Variants in PTGER3 observed in about 807,000 individuals in gnomAD.
PTGER3 encodes prostaglandin E receptor 3, also known as prostaglandin E2 receptor EP3 subtype.
Under a neutral mutation model 34.7 loss-of-function variants are expected in PTGER3, and 22 were observed. The observed-to-expected ratio is 0.63, with a 90% CI of 0.45 to 0.91. The LOEUF (loss-of-function observed/expected upper bound fraction) is 0.91. Among genes scored for constraint, PTGER3 ranks in the 40% least tolerant of loss-of-function variants. PTGER3 has a pLI of 0.00. For missense variants in PTGER3, 468 were observed against 519.4 expected (o/e 0.90, Z 0.96); for synonymous variants, 241 against 230.1 (o/e 1.05, Z -0.43).
chr1:70,952,772 G>T (rs1650888321), exon 4 of PTGER3: 10 of 1,325,838 alleles, frequency 7.5e-6, no homozygotes, highest in Non-Finnish European at 8.7e-6. Flanking sequence ...GACCTGGCTT[G>T]CTGGTAATCT....
At chr1:70,905,040 T>G in intron 4 of PTGER3, among the ~76,000 whole-genome samples, 1 of 152,214 alleles carries the variant, frequency 6.6e-6, no homozygotes, top group African/African-American at 2.4e-5. Flanking sequence ...CTGCTCCAGT[T>G]GTGGCTTAAA....
intron 4 of PTGER3, among the ~76,000 whole-genome samples, chr1:70,909,917 C>T (rs920061871): frequency 1.3e-5 from 2 of 152,204 alleles, no homozygotes; most frequent in African/African-American, 2.4e-5. Context: ...TACTTAATCA[C>T]TTACCCACTA....
chr1:70,875,786 G>A (rs1254501462), intron 4 of PTGER3, among the ~76,000 whole-genome samples: 1 of 152,092 alleles, frequency 6.6e-6, no homozygotes, highest in Non-Finnish European at 1.5e-5. Flanking sequence ...CCATATTGCT[G>A]TAAAGGACAT....
chr1:71,002,443 T>A (rs1656579190), intron 2 of PTGER3, among the ~76,000 whole-genome samples: 1 of 152,224 alleles, frequency 6.6e-6, no homozygotes, highest in Non-Finnish European at 1.5e-5. Flanking sequence ...ACATTTTCTC[T>A]TTCATTATGA....
intron 4 of PTGER3, among the ~76,000 whole-genome samples, chr1:70,905,755 T>G (rs916574272): frequency 3.9e-5 from 6 of 152,134 alleles, no homozygotes; most frequent in Non-Finnish European, 7.3e-5. Context: ...AGATGAGACA[T>G]TGGACTGTGG....
At chr1:71,044,165 G>A (rs1199296772) in intron 1 of PTGER3, among the ~76,000 whole-genome samples, 3 of 150,862 alleles carry the variant, frequency 2.0e-5, no homozygotes, top group Non-Finnish European at 4.4e-5. Flanking sequence ...GGCCGGGCAC[G>A]GTGGCTCATG....
intron 1 of PTGER3, among the ~76,000 whole-genome samples, chr1:71,042,121 G>C (rs187338916): frequency 5.1e-4 from 77 of 152,114 alleles, no homozygotes; most frequent in African/African-American, 1.8e-3. Flanking sequence ...AAAGATGATG[G>C]CTTAAGAAGT....
At chr1:70,903,905 G>T (rs1429211237) in intron 4 of PTGER3, among the ~76,000 whole-genome samples, 1 of 152,128 alleles carries the variant, frequency 6.6e-6, no homozygotes, top group Non-Finnish European at 1.5e-5. Context: ...TCTTCCCTCG[G>T]TTGGTTTAAA....
chr1:70,943,295 T>C (rs1266164330), intron 4 of PTGER3, among the ~76,000 whole-genome samples: 2 of 152,134 alleles, frequency 1.3e-5, no homozygotes, highest in Non-Finnish European at 2.9e-5. Context: ...ATCAAGTAGT[T>C]TGAGTTTTTA....
chr1:71,041,227 G>A (rs1187321798), intron 1 of PTGER3, among the ~76,000 whole-genome samples: 1 of 152,174 alleles, frequency 6.6e-6, no homozygotes, highest in Non-Finnish European at 1.5e-5. Flanking sequence ...GCTTAGCCTT[G>A]CCTATCTTAA....
chr1:70,884,809 T>G (rs1034239243), intron 4 of PTGER3, among the ~76,000 whole-genome samples: 5 of 152,196 alleles, frequency 3.3e-5, no homozygotes, highest in African/African-American at 1.2e-4. Flanking sequence ...TTACAGAGAT[T>G]GGAAACCCTA....
At chr1:70,867,579 G>A (rs913526772) in intron 4 of PTGER3, among the ~76,000 whole-genome samples, 2 of 152,136 alleles carry the variant, frequency 1.3e-5, no homozygotes, top group Non-Finnish European at 2.9e-5. Flanking sequence ...AAACAAATTA[G>A]CCAGGTGTGG....
chr1:70,970,197 T>A (rs1269986102), downstream of PTGER3, among the ~76,000 whole-genome samples: 1 of 152,194 alleles, frequency 6.6e-6, no homozygotes, highest in Non-Finnish European at 1.5e-5. Context: ...AAAAATCGGT[T>A]AAGCCCTTTA....
At chr1:70,932,000 C>T (rs1557664904) in intron 4 of PTGER3, among the ~76,000 whole-genome samples, 2 of 152,164 alleles carry the variant, frequency 1.3e-5, no homozygotes, top group African/African-American at 4.8e-5. Flanking sequence ...CCTTTTAAAA[C>T]AGAATGCTTT....
intron 1 of PTGER3, among the ~76,000 whole-genome samples, chr1:71,024,533 T>G (rs1189834340): frequency 1.3e-5 from 2 of 152,066 alleles, no homozygotes; most frequent in African/African-American, 4.8e-5. Flanking sequence ...GTTTTTGAAT[T>G]AACAAATAAG....
At chr1:70,909,313 G>A (rs1647014445) in intron 4 of PTGER3, among the ~76,000 whole-genome samples, 3 of 152,146 alleles carry the variant, frequency 2.0e-5, no homozygotes, top group African/African-American at 7.2e-5. Context: ...GGTAATAGTT[G>A]TTCCCTTAAG....
chr1:70,937,550 G>T (rs988114758), intron 4 of PTGER3, among the ~76,000 whole-genome samples: 1 of 152,166 alleles, frequency 6.6e-6, no homozygotes. Flanking sequence ...AAAAGGAATA[G>T]TTAGGTGAAG....
At position 70,945,411 on chromosome 1, in the gene PTGER3, A is replaced by G. The variant is rs961351428; in HGVS notation, c.*23+8352T>C. Among the ~76,000 whole-genome samples the G allele has an allele frequency of 2.0e-5, 3 of 152,240 alleles. No homozygotes were observed. In the East Asian group the frequency reaches 5.8e-4, roughly 29 times the overall value. ...TCAAATTCACACTGTGTCTCTGTCTACCAAGCGTATGTCTATGCATATGAA... is the reference window on the plus strand; with the variant it reads ...TCAAATTCACACTGTGTCTCTGTCTGCCAAGCGTATGTCTATGCATATGAA... On this transcript the variant is annotated intron_variant, in intron 4 of 4. Coordinates refer to the PTGER3 transcript ENST00000370931.
chr1:70,859,368 T>G (rs1645878033), intron 4 of PTGER3, among the ~76,000 whole-genome samples: 1 of 152,260 alleles, frequency 6.6e-6, no homozygotes, highest in African/African-American at 2.4e-5. Flanking sequence ...ATTTAGTGTC[T>G]TTATGGTGCC....
Sources: gnomAD v4.1 joint callset for allele counts (sites outside exome capture counted in the v4.1 genomes callset) on GRCh38, gnomAD v4.1.1 for gene constraint, MANE v1.5 for transcripts, NCBI Gene and HGNC (gene_info 2026-07-23, HGNC 2026-07-21) for gene names.